The following MTHFD2L variants were observed in gnomAD, a reference collection of about 807,000 sequenced individuals.
MTHFD2L encodes methylenetetrahydrofolate dehydrogenase (NADP+ dependent) 2 like, also known as bifunctional methylenetetrahydrofolate dehydrogenase/cyclohydrolase 2, mitochondrial.
A neutral mutation model predicts 34.9 loss-of-function variants in MTHFD2L; 29 were observed. The ratio of observed to expected loss-of-function variants is 0.83; its 90% CI spans 0.62 to 1.13. The LOEUF (loss-of-function observed/expected upper bound fraction) is 1.13. MTHFD2L is among the 50% of genes most tolerant of loss of function. The pLI, the probability that MTHFD2L is intolerant of heterozygous loss-of-function variation, is 0.00. For synonymous variants in MTHFD2L, 167 were observed against 155.7 expected (o/e 1.07, Z -0.54); for missense variants, 481 against 446.5 (o/e 1.08, Z -0.70).
At chr4:74,301,271 TTGTTA>T (rs1293475820) in intron 7 of MTHFD2L, among the ~76,000 whole-genome samples, 2 of 152,132 alleles carry the variant, frequency 1.3e-5, no homozygotes, top group African/African-American at 4.8e-5. Context: ...CATTGTGATA[TTGTTA>T]TAACAGGAAT....
chr4:74,291,304 C>A (rs749697388), intron 7 of MTHFD2L, among the ~76,000 whole-genome samples: 1 of 151,838 alleles, frequency 6.6e-6, no homozygotes, highest in Non-Finnish European at 1.5e-5. Context: ...CATGAGCCTT[C>A]GTGCCTGGCC....
chr4:74,160,290 A>T (rs2109890295), intron 1 of MTHFD2L: 1 of 333,930 alleles, frequency 3.0e-6, no homozygotes, highest in East Asian at 8.1e-5. Flanking sequence ...AGTGATATTG[A>T]CTGTTTTAAA....
upstream of MTHFD2L, chr4:74,157,534 T>C (rs945387623): frequency 5.1e-6 from 2 of 395,322 alleles, no homozygotes; most frequent in Non-Finnish European, 1.0e-5. Context: ...AAGACAGATA[T>C]TGGTCAATAT....
upstream of MTHFD2L, chr4:74,123,178 T>C (rs1721843874): frequency 6.6e-6 from 1 of 152,126 alleles, no homozygotes; most frequent in Admixed American, 6.6e-5. Flanking sequence ...CATATTGAAT[T>C]TTGTGTAATT....
intron 3 of MTHFD2L, among the ~76,000 whole-genome samples, chr4:74,193,651 A>T (rs942412182): frequency 1.3e-5 from 2 of 152,144 alleles, no homozygotes; most frequent in Non-Finnish European, 2.9e-5. Flanking sequence ...AATTTTAAAC[A>T]ATTTACTCCT....
At chr4:74,138,080 C>CT (rs1723056199) in intron 1 of MTHFD2L, among the ~76,000 whole-genome samples, 1 of 151,528 alleles carries the variant, frequency 6.6e-6, no homozygotes, top group Admixed American at 6.6e-5. Context: ...TACACATACA[C>CT]TTTTTTATTT....
intron 1 of MTHFD2L, among the ~76,000 whole-genome samples, chr4:74,172,817 A>G (rs932637845): frequency 6.6e-6 from 1 of 152,320 alleles, no homozygotes; most frequent in Non-Finnish European, 1.5e-5. Flanking sequence ...AGATGAATGC[A>G]GTGGAAGACT....
chr4:74,252,233 T>A (rs1743416056), intron 6 of MTHFD2L, among the ~76,000 whole-genome samples: 1 of 152,168 alleles, frequency 6.6e-6, no homozygotes, highest in African/African-American at 2.4e-5. Flanking sequence ...TAGAAATGAA[T>A]CTTTGAAGAC....
At chr4:74,271,087 G>C (rs1283019163) in intron 6 of MTHFD2L, among the ~76,000 whole-genome samples, 1 of 152,170 alleles carries the variant, frequency 6.6e-6, no homozygotes, top group African/African-American at 2.4e-5. Flanking sequence ...TGTCAGATGA[G>C]TAGACTGCAA....
chr4:74,229,690 T>C (rs1739711108), intron 6 of MTHFD2L, among the ~76,000 whole-genome samples: 1 of 152,140 alleles, frequency 6.6e-6, no homozygotes, highest in Non-Finnish European at 1.5e-5. Context: ...TCCTACTGGC[T>C]TATATATCAC....
chr4:74,164,001 A>G (rs1726063634), intron 1 of MTHFD2L, among the ~76,000 whole-genome samples: 1 of 152,032 alleles, frequency 6.6e-6, no homozygotes, highest in African/African-American at 2.4e-5. Flanking sequence ...TCAGTCTCCC[A>G]AGTAGCTGGG....
At chr4:74,222,242 T>C (rs1738331697) in intron 5 of MTHFD2L, among the ~76,000 whole-genome samples, 1 of 149,242 alleles carries the variant, frequency 6.7e-6, no homozygotes, top group Non-Finnish European at 1.5e-5. Context: ...GTCTGTTTTG[T>C]TCTGCTATAG....
At chr4:74,261,155 A>G (rs896495109) in intron 6 of MTHFD2L, among the ~76,000 whole-genome samples, 2 of 152,078 alleles carry the variant, frequency 1.3e-5, no homozygotes, top group African/African-American at 4.8e-5. Context: ...AAGTTGACAG[A>G]CATGAGTTAG....
chr4:74,187,736 A>ACG (rs1423263960), intron 3 of MTHFD2L, among the ~76,000 whole-genome samples: 1 of 60,006 alleles, frequency 1.7e-5, no homozygotes, highest in Non-Finnish European at 3.0e-5. Flanking sequence ...CGTTAAATAC[A>ACG]CACACACACA....
At chr4:74,202,503 T>G (rs1421123618) in intron 5 of MTHFD2L, among the ~76,000 whole-genome samples, 1 of 152,096 alleles carries the variant, frequency 6.6e-6, no homozygotes. Flanking sequence ...GGAGATGGAA[T>G]GAAAAGGAAA....
intron 1 of MTHFD2L, chr4:74,165,203 T>C: frequency 6.4e-6 from 1 of 156,252 alleles, no homozygotes; most frequent in East Asian, 1.9e-4. Context: ...AGATAATTTA[T>C]ATCCTTATGT....
At chr4:74,257,580 G>A (rs1010901601) in intron 6 of MTHFD2L, among the ~76,000 whole-genome samples, 2 of 152,152 alleles carry the variant, frequency 1.3e-5, no homozygotes, top group Admixed American at 6.5e-5. Flanking sequence ...TTATAACTAT[G>A]TGTGTATCAA....
Position 74,158,156 on chromosome 4 carries a change from C to G in MTHFD2L, c.18C>G (p.Arg6=), listed in dbSNP as rs1337867858. The change falls in exon 1 of 8, where the codon CGC becomes CGG. Residue 6 remains arginine (R), a synonymous_variant. Coordinates refer to ENST00000325278, the MANE Select transcript of MTHFD2L (RefSeq NM_001144978.3). ...CCGCGGCCATGACGGTGCCGGTCCG[C>G]GGCTTCTCGCTGCTCCGCGGCCGCC... MTVPV[R]GFSLLRGRLG... 1.3e-6 allele frequency: 2 copies of G among 1,529,906 alleles called. No homozygotes were observed. Among genetic ancestry groups the G allele is most frequent in the African/African-American group, 2.8e-5 (2 of 72,698 alleles). The allele number at this position is 1,529,906 out of a possible 1,614,324, so 94.8% of individuals were successfully genotyped here. A position where few individuals can be genotyped will look rare whatever the true frequency, so the allele number is the denominator to read the frequency against.
At chr4:74,301,615 A>C (rs1442005212) in intron 7 of MTHFD2L, 82 bp from the exon 8 acceptor site, 1 of 779,812 alleles carries the variant, frequency 1.3e-6, no homozygotes, top group African/African-American at 1.8e-5. Flanking sequence ...ATGAAGAATC[A>C]CTATATTCAG....
Sources: gnomAD v4.1 joint callset for allele counts (sites outside exome capture counted in the v4.1 genomes callset) on GRCh38, gnomAD v4.1.1 for gene constraint, MANE v1.5 for transcripts, NCBI Gene and HGNC (gene_info 2026-07-23, HGNC 2026-07-21) for gene names.